IGSF5: variants seen among roughly 807,000 people sequenced by gnomAD.
IGSF5 encodes immunoglobulin superfamily 5 like.
Under a neutral mutation model 39.4 loss-of-function variants are expected in IGSF5, and 41 were observed. The observed-to-expected ratio is 1.04, with a 90% CI of 0.81 to 1.35. IGSF5 has a LOEUF of 1.35. Among genes scored for constraint, IGSF5 ranks in the 40% most tolerant of loss-of-function variants. The probability of loss-of-function intolerance (pLI) is 0.00; values close to 1 mark genes in which losing one functional copy is unlikely to be tolerated. For synonymous variants in IGSF5, 183 were observed against 175.3 expected (o/e 1.04, Z -0.34); for missense variants, 487 against 494.6 (o/e 0.98, Z 0.15).
intron 5 of IGSF5, among the ~76,000 whole-genome samples, chr21:39,783,326 C>T (rs1397020342): frequency 6.6e-6 from 1 of 152,128 alleles, no homozygotes; most frequent in Admixed American, 6.5e-5. Flanking sequence ...TTTACATTCC[C>T]ACCAATAGAG....
the IGSF5 span, among the ~76,000 whole-genome samples, chr21:39,717,896 T>C: frequency 6.6e-6 from 1 of 152,248 alleles, no homozygotes; most frequent in Non-Finnish European, 1.5e-5. Flanking sequence ...GGTACTTTTA[T>C]AGGAATAACA....
the IGSF5 span, among the ~76,000 whole-genome samples, chr21:39,733,710 T>C: frequency 6.6e-6 from 1 of 152,332 alleles, no homozygotes; most frequent in Admixed American, 6.5e-5. Flanking sequence ...TATTGAAGTA[T>C]TGGCAGAGCC....
intron 2 of IGSF5, among the ~76,000 whole-genome samples, chr21:39,758,347 C>T (rs920669643): frequency 6.6e-6 from 1 of 152,184 alleles, no homozygotes; most frequent in African/African-American, 2.4e-5. Context: ...GGGGATCTCC[C>T]CCATCCTCAC....
In IGSF5 at chr21:39,765,685, T is replaced by A. The variant is rs1050479393; in HGVS notation, c.251T>A (p.Met84Lys). The stretch of plus-strand genomic sequence containing the variant: ...ATGGTGGTGCTAAGCGTCAGGCCCA[T>A]GGAGCCCATCATCACCAATGACCGC... The part of the protein sequence containing the change: ...SDMVVLSVRP[M>K]EPIITNDRFT... Residue 84 changes from methionine to lysine, a missense_variant, in exon 3 of 9, where the codon ATG (methionine) becomes AAG (lysine). Physicochemically the swap from Met to Lys is moderately conservative, Grantham distance 95 (BLOSUM62 -1). Coordinates refer to ENST00000380588, the MANE Select transcript of IGSF5 (RefSeq NM_001080444.2). The A allele has an allele frequency of 1.9e-6, 3 of 1,613,992 alleles. No individual in the cohort carries two copies. The African/African-American group carries it at 4.0e-5, about 22-fold the overall frequency.
rs549669803 is a variant in IGSF5 at position 39,796,326 on chromosome 21, C to A, written c.1128+2713C>A. On this transcript the variant is annotated intron_variant, in intron 8 of 8. Transcript: ENST00000380588. ...TTTTAAGAACTTCCCCAGACCAGGC[C>A]CCGTAGCCCTGCAGCCCTGCCAGGC... Among the ~76,000 whole-genome samples the A allele has an allele frequency of 1.1e-3, 167 of 152,134 alleles. 1 individual carries two copies. The highest frequency in any genetic ancestry group is 9.4e-4 in the Non-Finnish European group (64 of 68,026).
chr21:39,750,216 C>CG (rs1569246998), intron 2 of IGSF5, among the ~76,000 whole-genome samples: 2 of 152,178 alleles, frequency 1.3e-5, no homozygotes, highest in African/African-American at 4.8e-5. Context: ...GAGCATTCTT[C>CG]GCCTCCCCTG....
chr21:39,748,960 C>A (rs905468521), intron 2 of IGSF5, among the ~76,000 whole-genome samples: 5 of 152,020 alleles, frequency 3.3e-5, no homozygotes, highest in African/African-American at 1.2e-4. Context: ...ATAACACACA[C>A]AAAAATTAAC....
the IGSF5 span, among the ~76,000 whole-genome samples, chr21:39,731,735 G>GA: frequency 1.3e-5 from 2 of 152,164 alleles, no homozygotes; most frequent in Non-Finnish European, 2.9e-5. Flanking sequence ...AGAGCTTCCA[G>GA]AAAAGGACTC....
At chr21:39,723,863 T>G in the IGSF5 span, among the ~76,000 whole-genome samples, 2 of 152,114 alleles carry the variant, frequency 1.3e-5, no homozygotes, top group Non-Finnish European at 2.9e-5. Context: ...AAAAAACCTT[T>G]GGGCCTGGCA....
chr21:39,764,486 TCCACAA>T (rs1274159249), intron 2 of IGSF5, among the ~76,000 whole-genome samples: 1 of 152,128 alleles, frequency 6.6e-6, no homozygotes, highest in East Asian at 1.9e-4. Context: ...CTTACAGGGA[TCCACAA>T]CCACGCCTGG....
chr21:39,726,470 C>T, the IGSF5 span, among the ~76,000 whole-genome samples: 174 of 151,918 alleles, frequency 1.1e-3, 6 homozygotes, highest in South Asian at 6.2e-4. Flanking sequence ...GTGCCGCATC[C>T]GGTGGTGTTA....
intron 5 of IGSF5, among the ~76,000 whole-genome samples, chr21:39,784,806 A>T (rs2080189419): frequency 6.6e-6 from 1 of 152,170 alleles, no homozygotes; most frequent in South Asian, 2.1e-4. Flanking sequence ...AAAACATTAA[A>T]CATCAAAAAT....
the IGSF5 span, among the ~76,000 whole-genome samples, chr21:39,727,098 G>A: frequency 0.043 from 6,487 of 152,092 alleles, 198 homozygotes; most frequent in Non-Finnish European, 0.067. Flanking sequence ...CAGGACACAC[G>A]GGTCTGGAAA....
the IGSF5 span, among the ~76,000 whole-genome samples, chr21:39,717,158 G>A: frequency 6.6e-6 from 1 of 152,122 alleles, no homozygotes; most frequent in African/African-American, 2.4e-5. Flanking sequence ...CTGTTGAGAA[G>A]TGTCTGTTTA....
chr21:39,731,601 G>A, the IGSF5 span, among the ~76,000 whole-genome samples: 2 of 152,220 alleles, frequency 1.3e-5, no homozygotes, highest in African/African-American at 4.8e-5. Context: ...AGGGTGCATT[G>A]TTGCTGCCTT....
At position 39,745,332 on chromosome 21, in the gene IGSF5, G is replaced by A; in HGVS notation, c.-178G>A. On this transcript the variant is annotated 5_prime_UTR_variant, in exon 1 of 9. In the 5' UTR this introduces an upstream ATG that the reference lacks. Coordinates refer to ENST00000380588, the MANE Select transcript of IGSF5 (RefSeq NM_001080444.2). ...TAAGACTCCCTGGGCTATAGCCTAGGTGCCTGAGGACGCAGCGTAGGGCTT... is the reference window on the plus strand; with the variant it reads ...TAAGACTCCCTGGGCTATAGCCTAGATGCCTGAGGACGCAGCGTAGGGCTT... 1 of 528,184 alleles carries A rather than the reference G, an allele frequency of 1.9e-6. No homozygotes were observed. The highest frequency in any genetic ancestry group is 2.2e-5 in the South Asian group (1 of 46,038). The allele number at this position is 528,184 out of a possible 1,614,324, so 32.7% of individuals were successfully genotyped here.
chr21:39,725,416 C>A, the IGSF5 span, among the ~76,000 whole-genome samples: 1 of 152,160 alleles, frequency 6.6e-6, no homozygotes, highest in Non-Finnish European at 1.5e-5. Flanking sequence ...CCCATTTTTT[C>A]TTCTAACATT....
chr21:39,797,806 C>T (rs2087005944), intron 8 of IGSF5, among the ~76,000 whole-genome samples: 1 of 152,138 alleles, frequency 6.6e-6, no homozygotes, highest in Admixed American at 6.5e-5. Flanking sequence ...TAAGCATGAG[C>T]CACTGCACCT....
chr21:39,776,242 A>G (rs1463180805), intron 4 of IGSF5, among the ~76,000 whole-genome samples: 1 of 151,784 alleles, frequency 6.6e-6, no homozygotes, highest in Non-Finnish European at 1.5e-5. Flanking sequence ...TAAATTTTAA[A>G]TGGTTATGAA....
Sources: gnomAD v4.1 joint callset for allele counts (sites outside exome capture counted in the v4.1 genomes callset) on GRCh38, gnomAD v4.1.1 for gene constraint, MANE v1.5 for transcripts, NCBI Gene and HGNC (gene_info 2026-07-23, HGNC 2026-07-21) for gene names.